PTPRJ: variants seen among roughly 807,000 people sequenced by gnomAD.
The protein encoded by PTPRJ is receptor-type tyrosine-protein phosphatase eta.
A neutral mutation model predicts 141.3 loss-of-function variants in PTPRJ; 129 were observed. The ratio of observed to expected loss-of-function variants is 0.91; its 90% CI spans 0.79 to 1.06. The LOEUF (loss-of-function observed/expected upper bound fraction) is 1.06. Among genes scored for constraint, PTPRJ ranks in the 50% least tolerant of loss-of-function variants. The pLI is 0.00. For synonymous variants in PTPRJ, 610 were observed against 640.5 expected (o/e 0.95, Z 0.72); for missense variants, 1,601 against 1,679.7 (o/e 0.95, Z 0.82).
intron 1 of PTPRJ, among the ~76,000 whole-genome samples, chr11:48,085,609 T>G (rs1855682216): frequency 1.3e-5 from 2 of 152,160 alleles, no homozygotes; most frequent in Non-Finnish European, 2.9e-5. Flanking sequence ...CCTCCCAAAG[T>G]GCTGGGATTG....
At chr11:48,153,917 G>A in intron 19 of PTPRJ, 31 bp downstream of exon 19, 3 of 1,482,760 alleles carry the variant, frequency 2.0e-6, no homozygotes, top group Non-Finnish European at 2.8e-6. Flanking sequence ...CATCTTCTCT[G>A]TGTTCCATCA....
At chr11:48,147,483 A>G (rs549731944) in intron 15 of PTPRJ, among the ~76,000 whole-genome samples, 34 of 152,316 alleles carry the variant, frequency 2.2e-4, no homozygotes, top group African/African-American at 8.2e-4. Context: ...TTAAATGGTA[A>G]AAGTAGCAGC....
At chr11:48,079,279 G>T (rs1348665176) in intron 1 of PTPRJ, among the ~76,000 whole-genome samples, 2 of 152,130 alleles carry the variant, frequency 1.3e-5, no homozygotes, top group East Asian at 3.8e-4. Flanking sequence ...TTGGTTTAGA[G>T]GCGGATGCAG....
At position 48,164,506 on chromosome 11, in the gene PTPRJ, G is replaced by T; in HGVS notation, c.3846G>T (p.Val1282=). The T allele has an allele frequency of 1.2e-6, 2 of 1,610,778 alleles. No individual in the cohort carries two copies. The highest frequency in any genetic ancestry group is 1.3e-5 in the African/African-American group (1 of 74,496). The part of the protein sequence containing the change: ...YDLRMHRPLM[V]QTEDQYVFLN... ...TTCGAATGCATAGGCCTTTAATGGT[G>T]CAGACAGAGGTGAGGCCAAGATCTG... The change falls in exon 24 of 25, where the codon GTG becomes GTT. Residue 1282 remains valine (V), a synonymous_variant. Coordinates refer to ENST00000418331, the MANE Select transcript of PTPRJ (RefSeq NM_002843.4).
chr11:48,059,442 G>C (rs55682315), intron 1 of PTPRJ, among the ~76,000 whole-genome samples: 2 of 152,106 alleles, frequency 1.3e-5, no homozygotes, highest in Non-Finnish European at 2.9e-5. Context: ...TTTACCCATA[G>C]CTCTGGCTCT....
chr11:48,017,006 C>A (rs1426609562), intron 1 of PTPRJ, among the ~76,000 whole-genome samples: 1 of 152,016 alleles, frequency 6.6e-6, no homozygotes, highest in Non-Finnish European at 1.5e-5. Flanking sequence ...GCAATCCTCC[C>A]ACCTCGGTTC....
At chr11:48,097,083 G>T (rs953642221) in intron 1 of PTPRJ, among the ~76,000 whole-genome samples, 6 of 152,294 alleles carry the variant, frequency 3.9e-5, no homozygotes, top group African/African-American at 1.2e-4. Context: ...CAAGTGCTAG[G>T]CATGGGGTAT....
chr11:47,983,853 T>G (rs1177323687), intron 1 of PTPRJ, among the ~76,000 whole-genome samples: 2 of 152,150 alleles, frequency 1.3e-5, no homozygotes, highest in Non-Finnish European at 2.9e-5. Flanking sequence ...GGTCTTGTAG[T>G]GTTTTGGTTT....
In PTPRJ at chr11:48,132,717, G is replaced by T. The variant is rs140293179; in HGVS notation, c.1615+2001G>T. The T allele has an allele frequency of 1.9e-3, 1,740 of 934,084 alleles. 3 individuals carry two copies. The highest frequency in any genetic ancestry group is 2.1e-3 in the Non-Finnish European group (1,657 of 783,782). 57.9% of individuals were successfully genotyped at this position (934,084 alleles called of 1,614,324 possible). On this transcript the variant is annotated intron_variant, in intron 8 of 24. Transcript: ENST00000418331. The stretch of plus-strand genomic sequence containing the variant: ...TAAAAACATATATATATATATAAAA[G>T]AAATGGGACAGATTCCTTGAAACAC...
intron 1 of PTPRJ, among the ~76,000 whole-genome samples, chr11:47,993,834 T>TC (rs896352416): frequency 6.6e-6 from 1 of 151,226 alleles, no homozygotes; most frequent in African/African-American, 2.4e-5. Context: ...ACAGTTCATT[T>TC]TTTTTTTTTT....
intron 1 of PTPRJ, among the ~76,000 whole-genome samples, chr11:48,053,483 A>AC (rs1854660870): frequency 4.1e-5 from 5 of 122,490 alleles, no homozygotes; most frequent in African/African-American, 1.5e-4. Flanking sequence ...TAAAAAATAT[A>AC]TATAAAATAT....
chr11:48,149,421 A>C (rs1272911213), intron 15 of PTPRJ, 26 bp from the exon 16 acceptor site: 3 of 1,463,168 alleles, frequency 2.1e-6, no homozygotes, highest in Non-Finnish European at 2.8e-6. Flanking sequence ...TTTTTTGTCT[A>C]ATGGGTCTCT....
At chr11:48,149,953 T>C in intron 16 of PTPRJ, 37 bp from the exon 17 acceptor site, 1 of 1,412,238 alleles carries the variant, frequency 7.1e-7, no homozygotes, top group Non-Finnish European at 9.9e-7. Context: ...TGAGTCTTTC[T>C]AATTGCATAT....
intron 1 of PTPRJ, among the ~76,000 whole-genome samples, chr11:48,047,247 A>C (rs1455993045): frequency 6.6e-6 from 1 of 152,114 alleles, no homozygotes; most frequent in Non-Finnish European, 1.5e-5. Flanking sequence ...AGCAGTTTGC[A>C]GAAGAATTAT....
chr11:48,001,349 AGTGTGTGTGTGTGTGTGT>A (rs57503257), intron 1 of PTPRJ, among the ~76,000 whole-genome samples: 14 of 134,782 alleles, frequency 1.0e-4, no homozygotes, highest in South Asian at 2.6e-4. Flanking sequence ...ACAGCCCCAA[AGTGTGTGTGTGTGTGTGT>A]GTGTGTGTGT....
At position 48,167,314 on chromosome 11, in the gene PTPRJ, C is replaced by T. The variant is rs752770620; in HGVS notation, c.3966C>T (p.Asn1322=). The T allele has an allele frequency of 1.9e-5, 30 of 1,613,972 alleles. No homozygotes were observed. The South Asian group carries it at 3.2e-4, about 17-fold the overall frequency. The change falls in exon 25 of 25, where the codon AAC becomes AAT. Residue 1322 remains asparagine (N), a synonymous_variant. Transcript: ENST00000418331. ...QNTTAMTIYE[N]LAPVTTFGKT... is the part of the protein sequence containing the mutation. ...CAACTGCAATGACAATCTATGAAAA[C>T]CTTGCGCCCGTGACCACATTTGGAA...
chr11:48,066,440 A>G (rs1461910025), intron 1 of PTPRJ, among the ~76,000 whole-genome samples: 1 of 152,224 alleles, frequency 6.6e-6, no homozygotes, highest in East Asian at 1.9e-4. Flanking sequence ...AGTCAGCCCC[A>G]GGGCACAGGG....
At chr11:47,987,782 G>A (rs181283891) in intron 1 of PTPRJ, among the ~76,000 whole-genome samples, 1 of 152,266 alleles carries the variant, frequency 6.6e-6, no homozygotes, top group East Asian at 1.9e-4. Context: ...TAGGAAGTTT[G>A]TTATTACTTC....
At chr11:47,998,067 A>C (rs1436711598) in intron 1 of PTPRJ, among the ~76,000 whole-genome samples, 1 of 152,068 alleles carries the variant, frequency 6.6e-6, no homozygotes, top group Non-Finnish European at 1.5e-5. Flanking sequence ...TGTGAGGCCC[A>C]AAAACAGCTC....
Sources: gnomAD v4.1 joint callset for allele counts (sites outside exome capture counted in the v4.1 genomes callset) on GRCh38, gnomAD v4.1.1 for gene constraint, MANE v1.5 for transcripts, NCBI Gene and HGNC (gene_info 2026-07-23, HGNC 2026-07-21) for gene names.